CCBE1: variants seen among roughly 807,000 people sequenced by gnomAD.
The protein encoded by CCBE1 is collagen and calcium-binding EGF domain-containing protein 1.
CCBE1 carries 37 observed loss-of-function variants against 50.0 expected under a neutral mutation model. The observed-to-expected ratio is 0.74, with a 90% CI of 0.57 to 0.97. The LOEUF (loss-of-function observed/expected upper bound fraction) is 0.97, where lower values mean the gene tolerates loss of function less well. CCBE1 is among the 50% of genes least tolerant of loss of function. The pLI is 0.00. For missense variants in CCBE1, 538 were observed against 523.8 expected (o/e 1.03, Z -0.26); for synonymous variants, 234 against 203.7 (o/e 1.15, Z -1.27).
intron 2 of CCBE1, among the ~76,000 whole-genome samples, chr18:59,665,372 T>A (rs2054339868): frequency 6.6e-6 from 1 of 152,212 alleles, no homozygotes; most frequent in African/African-American, 2.4e-5. Flanking sequence ...ACAGCCAGGC[T>A]AGATGGTTGG....
intron 2 of CCBE1, among the ~76,000 whole-genome samples, chr18:59,613,955 A>G (rs1308029622): frequency 6.9e-6 from 1 of 143,948 alleles, no homozygotes; most frequent in African/African-American, 2.6e-5. Flanking sequence ...GCTCACTGCA[A>G]CTCTGCCTCC....
chr18:59,694,775 G>T (rs1485252800), intron 2 of CCBE1, among the ~76,000 whole-genome samples: 1 of 152,122 alleles, frequency 6.6e-6, no homozygotes, highest in Non-Finnish European at 1.5e-5. Context: ...GGAATACAGA[G>T]AACTCTCGAC....
At chr18:59,491,814 CCAAA>C (rs201367103) in intron 2 of CCBE1, among the ~76,000 whole-genome samples, 2 of 37,792 alleles carry the variant, frequency 5.3e-5, no homozygotes, top group Non-Finnish European at 1.0e-4. Flanking sequence ...GACTCTGTCT[CCAAA>C]CAAACAAACA....
At chr18:59,536,054 C>A (rs1263579237) in intron 2 of CCBE1, among the ~76,000 whole-genome samples, 2 of 152,148 alleles carry the variant, frequency 1.3e-5, no homozygotes, top group Admixed American at 1.3e-4. Context: ...GTTTCATTTT[C>A]TTTTCAGATG....
chr18:59,568,064 C>CT (rs1245283156), intron 2 of CCBE1: 2 of 152,002 alleles, frequency 1.3e-5, no homozygotes, highest in African/African-American at 4.8e-5. Context: ...TAGGAGAATC[C>CT]TTTTCAGGGC....
chr18:59,495,409 T>TC (rs1379649971), intron 2 of CCBE1, among the ~76,000 whole-genome samples: 30 of 100,098 alleles, frequency 3.0e-4, no homozygotes, highest in African/African-American at 1.5e-3. Context: ...TTTTTTTTTT[T>TC]TCCAGAGCGG....
intron 2 of CCBE1, among the ~76,000 whole-genome samples, chr18:59,608,977 C>T (rs1288634992): frequency 6.6e-6 from 1 of 152,328 alleles, no homozygotes; most frequent in Non-Finnish European, 1.5e-5. Flanking sequence ...TCCTGAAGGT[C>T]ACCAGTGTGC....
At chr18:59,588,829 C>G (rs1356762088) in intron 2 of CCBE1, among the ~76,000 whole-genome samples, 1 of 152,176 alleles carries the variant, frequency 6.6e-6, no homozygotes, top group African/African-American at 2.4e-5. Context: ...AGCAGCTGCT[C>G]AGTGGAAGAC....
intron 2 of CCBE1, among the ~76,000 whole-genome samples, chr18:59,614,453 T>C (rs1037823040): frequency 7.9e-5 from 12 of 152,260 alleles, no homozygotes; most frequent in African/African-American, 2.9e-4. Context: ...AATAAAACAA[T>C]GGTGTCTTCC....
At chr18:59,582,132 C>T (rs372506835) in intron 2 of CCBE1, among the ~76,000 whole-genome samples, 9 of 152,132 alleles carry the variant, frequency 5.9e-5, no homozygotes, top group African/African-American at 7.2e-5. Flanking sequence ...CTGTACCCTC[C>T]GGAAAGCTCT....
intron 2 of CCBE1, among the ~76,000 whole-genome samples, chr18:59,531,854 T>G (rs1320102530): frequency 6.6e-6 from 1 of 152,134 alleles, no homozygotes; most frequent in Non-Finnish European, 1.5e-5. Context: ...GTGGGAAAGG[T>G]ACTCAAGACC....
rs373652074 is a variant in CCBE1 at position 59,433,891 on chromosome 18, CTTT to C, written c.*2014_*2016del. 2,481 of 69,680 alleles carry C rather than the reference CTTT, an allele frequency of 0.036. 36 individuals are homozygous for C. Among genetic ancestry groups the C allele is most frequent in the Non-Finnish European group, 0.041 (1,638 of 40,330 alleles). The allele number at this position is 69,680 out of a possible 1,614,324, so 4.3% of individuals were successfully genotyped here. The stretch of plus-strand genomic sequence containing the variant: ...ACAGGCATGAGCCACCAAGCCCGGC[CTTT>C]TTTTTTTTTTTTTTTTTTTTTTAAT... On this transcript the variant is annotated 3_prime_UTR_variant, in exon 11 of 11. Coordinates refer to ENST00000439986, the MANE Select transcript of CCBE1 (RefSeq NM_133459.4).
In CCBE1 at chr18:59,480,992, A is replaced by G. The variant is rs1031126186; in HGVS notation, c.213-754T>C. Among the ~76,000 whole-genome samples the G allele has an allele frequency of 3.9e-5, 6 of 152,316 alleles. No homozygotes were observed. The South Asian group carries it at 6.2e-4, about 16-fold the overall frequency. On this transcript the variant is annotated intron_variant, in intron 2 of 10. Transcript: ENST00000439986. The stretch of plus-strand genomic sequence containing the variant: ...ACATGTACAAATGTGACCCATTCTC[A>G]AAGAGAAGACAATCAATGCTGCAAT...
chr18:59,625,975 C>A (rs1237461135), intron 2 of CCBE1, among the ~76,000 whole-genome samples: 1 of 152,158 alleles, frequency 6.6e-6, no homozygotes, highest in Non-Finnish European at 1.5e-5. Context: ...GAAAATAAAT[C>A]TCTTTTACTA....
At chr18:59,638,463 T>A (rs561843956) in intron 2 of CCBE1, among the ~76,000 whole-genome samples, 9 of 152,200 alleles carry the variant, frequency 5.9e-5, no homozygotes, top group African/African-American at 1.7e-4. Flanking sequence ...TTGCTGTAAA[T>A]GCACATTTTC....
intron 2 of CCBE1, among the ~76,000 whole-genome samples, chr18:59,657,853 T>C (rs951278991): frequency 6.6e-6 from 1 of 151,886 alleles, no homozygotes; most frequent in African/African-American, 2.4e-5. Context: ...ATTGTGCCAC[T>C]GCACTCCAGC....
At chr18:59,665,175 TC>T (rs199717963) in intron 2 of CCBE1, among the ~76,000 whole-genome samples, 2 of 118,514 alleles carry the variant, frequency 1.7e-5, no homozygotes, top group African/African-American at 4.1e-5. Flanking sequence ...TCAACCAGAG[TC>T]CCCCCGAGAC....
At chr18:59,455,039 G>T in intron 5 of CCBE1, 88 bp from the exon 6 acceptor site, 1 of 1,031,102 alleles carries the variant, frequency 9.7e-7, no homozygotes, top group Non-Finnish European at 1.5e-6. Context: ...CGGTCCCAGG[G>T]ACAGAGTAGC....
At chr18:59,687,898 T>C (rs1225098468) in intron 2 of CCBE1, among the ~76,000 whole-genome samples, 1 of 152,014 alleles carries the variant, frequency 6.6e-6, no homozygotes. Flanking sequence ...GAGTTGGAGG[T>C]TGCAGTGAGC....
Sources: gnomAD v4.1 joint callset for allele counts (sites outside exome capture counted in the v4.1 genomes callset) on GRCh38, gnomAD v4.1.1 for gene constraint, MANE v1.5 for transcripts, NCBI Gene and HGNC (gene_info 2026-07-23, HGNC 2026-07-21) for gene names.